P4HA2: variants seen among roughly 807,000 people sequenced by gnomAD.
P4HA2 encodes prolyl 4-hydroxylase subunit alpha-2.
Under a neutral mutation model 76.9 loss-of-function variants are expected in P4HA2, and 46 were observed. That is an observed-to-expected ratio of 0.60 (90% CI 0.47 to 0.76). The LOEUF is 0.76. Ranked by LOEUF, P4HA2 falls within the 30% of genes least tolerant of loss-of-function variation. The pLI, the probability that P4HA2 is intolerant of heterozygous loss-of-function variation, is 0.00. For synonymous variants in P4HA2, 243 were observed against 254.0 expected (o/e 0.96, Z 0.41); for missense variants, 583 against 669.4 (o/e 0.87, Z 1.42).
intron 1 of P4HA2, among the ~76,000 whole-genome samples, chr5:132,223,598 T>C (rs759072231): frequency 6.6e-6 from 1 of 152,228 alleles, no homozygotes; most frequent in Non-Finnish European, 1.5e-5. Context: ...CTGGCTGCCC[T>C]GCAATTACAC....
At chr5:132,197,772 TG>T (rs1193252952) in intron 12 of P4HA2, among the ~76,000 whole-genome samples, 1 of 152,150 alleles carries the variant, frequency 6.6e-6, no homozygotes, top group African/African-American at 2.4e-5. Context: ...AGCAGAATGG[TG>T]GCTGCCAGGA....
At chr5:132,194,826 C>CA in intron 14 of P4HA2, 100 bp downstream of exon 14, 1 of 795,540 alleles carries the variant, frequency 1.3e-6, no homozygotes, top group Non-Finnish European at 2.3e-6. Flanking sequence ...ACAGTCTCAG[C>CA]AAATTTGGCA....
intron 4 of P4HA2, among the ~76,000 whole-genome samples, chr5:132,215,092 T>C (rs1408700059): frequency 6.6e-6 from 1 of 152,184 alleles, no homozygotes; most frequent in Non-Finnish European, 1.5e-5. Flanking sequence ...AAACATCCAC[T>C]TCAGCCATAA....
intron 1 of P4HA2, among the ~76,000 whole-genome samples, chr5:132,220,570 AG>A (rs1754525443): frequency 6.6e-6 from 1 of 152,186 alleles, no homozygotes; most frequent in African/African-American, 2.4e-5. Context: ...AATTCCAGGG[AG>A]GAAGTCTGTC....
chr5:132,225,426 G>T (rs1269856097), intron 1 of P4HA2, among the ~76,000 whole-genome samples: 1 of 152,116 alleles, frequency 6.6e-6, no homozygotes, highest in African/African-American at 2.4e-5. Flanking sequence ...GATGTGGGAG[G>T]GCAGAGTGAA....
At chr5:132,198,420 CT>C in intron 11 of P4HA2, 40 bp from the exon 12 acceptor site, 1 of 1,583,560 alleles carries the variant, frequency 6.3e-7, no homozygotes, top group Non-Finnish European at 8.7e-7. Flanking sequence ...TTACAACAGG[CT>C]TCATCCACCA....
Position 132,207,773 on chromosome 5 carries a change from C to A in P4HA2, c.1015G>T (p.Val339Phe), listed in dbSNP as rs148040234. Residue 339 changes from valine (V) to phenylalanine (F), a missense_variant, in exon 8 of 15, where the codon GTC (valine) becomes TTC (phenylalanine). Coordinates refer to ENST00000360568, the MANE Select transcript of P4HA2 (RefSeq NM_001017974.2). ...TCAGACATGACATCGTAGTACCTGACGATGTGCGGGCTGTCCCACTCGTCC... is the reference window on the plus strand; with the variant it reads ...TCAGACATGACATCGTAGTACCTGAAGATGTGCGGGCTGTCCCACTCGTCC... ...EEDEWDSPHIVRYYDVMSDEE... is the reference protein window; with the variant it reads ...EEDEWDSPHIFRYYDVMSDEE... 6.2e-7 allele frequency: 1 copy of A among 1,613,936 alleles called. No homozygotes were observed. Among genetic ancestry groups the A allele is most frequent in the East Asian group, 2.2e-5 (1 of 44,852 alleles).
chr5:132,214,098 G>A (rs767748998), intron 4 of P4HA2, 45 bp from the exon 5 acceptor site: 17 of 1,597,212 alleles, frequency 1.1e-5, no homozygotes, highest in South Asian at 4.5e-5. Flanking sequence ...TGATCCAGGG[G>A]CAGAATTCCA....
At chr5:132,224,440 G>A (rs1321867897) in intron 1 of P4HA2, among the ~76,000 whole-genome samples, 1 of 152,232 alleles carries the variant, frequency 6.6e-6, no homozygotes, top group Non-Finnish European at 1.5e-5. Flanking sequence ...AAGGGCACCA[G>A]AGAAACATCA....
At chr5:132,220,717 A>G (rs571690518) in intron 1 of P4HA2, among the ~76,000 whole-genome samples, 71 of 152,340 alleles carry the variant, frequency 4.7e-4, no homozygotes, top group African/African-American at 1.7e-3. Context: ...GACTGAGCCC[A>G]TTCTTGAATC....
chr5:132,197,534 G>C (rs1750806152), intron 12 of P4HA2, among the ~76,000 whole-genome samples: 1 of 150,234 alleles, frequency 6.7e-6, no homozygotes, highest in Admixed American at 6.6e-5. Flanking sequence ...CTCGAACCTG[G>C]GAGGCTGAGG....
chr5:132,220,641 G>A (rs2126630094), intron 1 of P4HA2, among the ~76,000 whole-genome samples: 1 of 152,298 alleles, frequency 6.6e-6, no homozygotes, highest in South Asian at 2.1e-4. Context: ...AACACTCAGG[G>A]AAAGCCAGGT....
intron 10 of P4HA2, chr5:132,200,054 T>C (rs1377703082): frequency 6.6e-6 from 1 of 152,108 alleles, no homozygotes; most frequent in Non-Finnish European, 1.5e-5. Flanking sequence ...ATGAAAAAAT[T>C]AGCTGGGCAC....
chr5:132,217,810 C>G lies in P4HA2; in HGVS notation c.121G>C (p.Val41Leu). 6.2e-7 allele frequency: 1 copy of G among 1,613,160 alleles called. No individual in the cohort carries two copies. The highest frequency in any genetic ancestry group is 1.1e-5 in the South Asian group (1 of 91,042). ...AGGATGTACTCTTTCAGAGACTGCA[C>G]CAGCTCTTTCTCTGCATAAATCAGG... ...TDLIYAEKELVQSLKEYILVE... is the reference protein window; with the variant it reads ...TDLIYAEKELLQSLKEYILVE... The change falls in exon 3 of 15, where the codon GTG (valine) becomes CTG (leucine). Residue 41 changes from valine (V) to leucine (L), a missense_variant. Coordinates refer to ENST00000360568, the MANE Select transcript of P4HA2 (RefSeq NM_001017974.2).
At chr5:132,199,886 C>A (rs1319767511) in intron 10 of P4HA2, 1 of 152,200 alleles carries the variant, frequency 6.6e-6, no homozygotes, top group Non-Finnish European at 1.5e-5. Context: ...ACAAAACTAG[C>A]AATAACAGAG....
chr5:132,192,079 C>A lies in P4HA2; in HGVS notation c.*931G>T, dbSNP rs1431406792. On this transcript the variant is annotated 3_prime_UTR_variant, in exon 15 of 15. Transcript: ENST00000360568. ...ACAGAATAACTACTTATTTAGGGAT[C>A]TAATCATAGATGGTAAAACTATAAA... is the stretch of plus-strand genomic sequence containing the variant. 2 of 152,188 alleles carry A rather than the reference C, an allele frequency of 1.3e-5. No homozygotes were observed. The highest frequency in any genetic ancestry group is 2.1e-4 in the South Asian group (1 of 4,826). The allele number at this position is 152,188 out of a possible 1,614,324, so 9.4% of individuals were successfully genotyped here. A position where few individuals can be genotyped will look rare whatever the true frequency, so the allele number is the denominator to read the frequency against.
chr5:132,195,188 C>A, intron 13 of P4HA2, 166 bp from the exon 14 acceptor site: 3 of 640,164 alleles, frequency 4.7e-6, no homozygotes, highest in Non-Finnish European at 8.4e-6. Flanking sequence ...CCAGAAAGCA[C>A]CTACCTTTCT....
At chr5:132,211,111 A>C (rs776373376) in intron 5 of P4HA2, among the ~76,000 whole-genome samples, 1 of 152,224 alleles carries the variant, frequency 6.6e-6, no homozygotes, top group Non-Finnish European at 1.5e-5. Context: ...AGAGACACCA[A>C]GGGAGGCCAA....
At chr5:132,199,324 C>A in intron 10 of P4HA2, 1 of 198,292 alleles carries the variant, frequency 5.0e-6, no homozygotes. Flanking sequence ...AAGTGAGTAA[C>A]AAATTTAAGA....
Sources: gnomAD v4.1 joint callset for allele counts (sites outside exome capture counted in the v4.1 genomes callset) on GRCh38, gnomAD v4.1.1 for gene constraint, MANE v1.5 for transcripts, NCBI Gene and HGNC (gene_info 2026-07-23, HGNC 2026-07-21) for gene names.